The following ZNF384 variants were observed in gnomAD, a reference collection of about 807,000 sequenced individuals.
ZNF384 encodes the protein zinc finger protein 384, also known as CAG repeat protein 1.
ZNF384 carries 20 observed loss-of-function variants against 65.0 expected under a neutral mutation model. That is an observed-to-expected ratio of 0.31 (90% CI 0.22 to 0.45). The LOEUF is 0.45. ZNF384 is among the 20% of genes least tolerant of loss of function. The probability of loss-of-function intolerance (pLI) is 1.00; values close to 1 mark genes in which losing one functional copy is unlikely to be tolerated. For missense variants in ZNF384, 549 were observed against 769.4 expected (o/e 0.71, Z 3.39); for synonymous variants, 310 against 303.9 (o/e 1.02, Z -0.21).
At chr12:6,671,221 T>G (rs1437694346) in intron 9 of ZNF384, among the ~76,000 whole-genome samples, 1 of 152,122 alleles carries the variant, frequency 6.6e-6, no homozygotes, top group East Asian at 1.9e-4. Flanking sequence ...GGCCCCACCT[T>G]ATGGCCAGAA....
At position 6,677,244 on chromosome 12, in the gene ZNF384, G is replaced by A. The variant is rs1448470596; in HGVS notation, c.702C>T (p.Cys234=). The A allele has an allele frequency of 1.6e-5, 21 of 1,311,984 alleles. No individual in the cohort carries two copies. The highest frequency in any genetic ancestry group is 5.0e-5 in the South Asian group (4 of 80,772). 81.3% of individuals were successfully genotyped at this position (1,311,984 alleles called of 1,614,324 possible). ...DGKTYRSEGN[C]GTGNGQSLGL... is the part of the protein sequence containing the mutation. ...CAAGGCTCTGTCCATTTCCTGTGCC[G>A]CAGTTCCCTTCGCTCCTAAAATGGG... The change falls in exon 7 of 12, where the codon TGC becomes TGT. Residue 234 remains cysteine, a synonymous_variant. Coordinates refer to ENST00000683879, the MANE Select transcript of ZNF384 (RefSeq NM_001385745.1).
Position 6,673,433 on chromosome 12 carries a change from T to A in ZNF384, c.787A>T (p.Met263Leu). The A allele has an allele frequency of 6.2e-7, 1 of 1,613,818 alleles. No homozygotes were observed. Among genetic ancestry groups the A allele is most frequent in the Non-Finnish European group, 8.5e-7 (1 of 1,179,936 alleles). The change falls in exon 8 of 12, where the codon ATG (methionine) becomes TTG (leucine). Residue 263 changes from methionine (M) to leucine (L), a missense_variant. Physicochemically the swap from Met to Leu is conservative, Grantham distance 15 (BLOSUM62 2). This residue lies in a region of ZNF384 where 277 missense variants were observed against 337.2 expected (regional missense o/e 0.82). Coordinates refer to ENST00000683879, the MANE Select transcript of ZNF384 (RefSeq NM_001385745.1). This position sits in a 1 kb window ranked among gnomAD's most constrained non-coding sequence, Gnocchi z 4.7. ...TNLLCDPGCR[M>L]CSLTFYSKSE... The stretch of plus-strand genomic sequence containing the variant: ...TTGGAGTAGAATGTCAGTGAGCACA[T>A]CCGGCACCTGAGCCAAGTGAGGGCA...
rs1201085098 is a variant in ZNF384 at position 6,668,713 on chromosome 12, G to GAA, written c.1425+316_1425+317dup. Among the ~76,000 whole-genome samples the GAA allele has an allele frequency of 1.2e-4, 9 of 73,402 alleles. No homozygotes were observed. In the East Asian group the frequency reaches 1.8e-3, roughly 15 times the overall value. 48.2% of individuals were successfully genotyped at this position (73,402 alleles called of 152,430 possible). On this transcript the variant is annotated intron_variant, in intron 11 of 11. Coordinates refer to ENST00000683879, the MANE Select transcript of ZNF384 (RefSeq NM_001385745.1). The stretch of plus-strand genomic sequence containing the variant: ...ACAGGGCGAGACTGTGTCTCAAAAA[G>GAA]AAAAAAAAAAAAAAAAGAAGAAGAA...
chr12:6,689,331 T>TGGCG lies in ZNF384; in HGVS notation c.-300_-299insCGCC, dbSNP rs1463750502. ...CAGGGCGGGGGCGCGAGGTAGTGGG[T>TGGCG]GGCCCCCCCTCCTTGCTGCCCTCCC... is the stretch of plus-strand genomic sequence containing the variant. On this transcript the variant is annotated 5_prime_UTR_variant, in exon 1 of 12. Transcript: ENST00000683879. 6.6e-6 allele frequency: 1 copy of TGGCG among 152,554 alleles called. No homozygotes were observed. The highest frequency in any genetic ancestry group is 2.4e-5 in the African/African-American group (1 of 41,356). The allele number at this position is 152,554 out of a possible 1,614,324, so 9.5% of individuals were successfully genotyped here. A position where few individuals can be genotyped will look rare whatever the true frequency, so the allele number is the denominator to read the frequency against.
At position 6,666,813 on chromosome 12, in the gene ZNF384, T is replaced by A. The variant is rs761924154; in HGVS notation, c.*901A>T. 6.2e-4 allele frequency: 105 copies of A among 168,718 alleles called. No homozygotes were observed. The highest frequency in any genetic ancestry group is 2.5e-3 in the Middle Eastern group (1 of 408). 10.5% of individuals were successfully genotyped at this position (168,718 alleles called of 1,614,324 possible). On this transcript the variant is annotated 3_prime_UTR_variant, in exon 12 of 12. Transcript: ENST00000683879. ...GCCGTGATGAGTGAGTATAATATAT[T>A]TATATATATATATTTATATATAAAT...
Position 6,678,670 on chromosome 12 carries a change from T to A in ZNF384, c.345A>T (p.Gln115His). 6.2e-7 allele frequency: 1 copy of A among 1,613,656 alleles called. No homozygotes were observed. Among genetic ancestry groups the A allele is most frequent in the Non-Finnish European group, 8.5e-7 (1 of 1,179,834 alleles). ...CSQRWRREGS[Q>H]SRGPGLVITS... is the part of the protein sequence containing the mutation. ...GGTAACAGTGAGATTTACCCCTTGA[T>A]TGACTCCCTTCTCTTCTCCACCTCT... Residue 115 changes from glutamine to histidine, a missense_variant, in exon 5 of 12, where the codon CAA becomes CAT. By Grantham distance (24) the Gln-to-His change is conservative. Coordinates refer to ENST00000683879, the MANE Select transcript of ZNF384 (RefSeq NM_001385745.1). The surrounding 1 kb of genome is among the most constrained non-coding windows in gnomAD (Gnocchi z 4.9).
At chr12:6,669,932 ACGCGCGCG>A (rs67939669) in intron 10 of ZNF384, among the ~76,000 whole-genome samples, 14 of 151,730 alleles carry the variant, frequency 9.2e-5, no homozygotes, top group Admixed American at 2.0e-4. Flanking sequence ...AAACACGCAC[ACGCGCGCG>A]CGCACACACA....
chr12:6,680,623 C>T (rs1298212790), intron 2 of ZNF384, among the ~76,000 whole-genome samples: 2 of 147,668 alleles, frequency 1.4e-5, no homozygotes, highest in Admixed American at 6.8e-5. Flanking sequence ...CTCTAGCCTG[C>T]GGAACAAGAG....
rs188766165 is a variant in ZNF384, at chr12:6,671,771, T to A, written c.1187+579A>T. 3 of 152,764 alleles carry A rather than the reference T, an allele frequency of 2.0e-5. No individual in the cohort carries two copies. In the East Asian group the frequency reaches 5.8e-4, roughly 29 times the overall value. 9.5% of individuals were successfully genotyped at this position (152,764 alleles called of 1,614,324 possible). A position where few individuals can be genotyped will look rare whatever the true frequency, so the allele number is the denominator to read the frequency against. On this transcript the variant is annotated intron_variant, in intron 9 of 11. Coordinates refer to ENST00000683879, the MANE Select transcript of ZNF384 (RefSeq NM_001385745.1). ...TCCTAGTCACTCCAGATTCACGGGA[T>A]AAACACTGGGCATCTTTATGAAGCA...
At chr12:6,669,270 G>GT (rs1271846367) in intron 10 of ZNF384, 81 bp from the exon 11 acceptor site, 2 of 1,420,726 alleles carry the variant, frequency 1.4e-6, no homozygotes, top group Non-Finnish European at 1.9e-6. Context: ...AAGCAAAAAG[G>GT]TAGGTGTCAG....
chr12:6,674,013 T>C (rs1018225992), intron 7 of ZNF384, among the ~76,000 whole-genome samples: 12 of 152,156 alleles, frequency 7.9e-5, no homozygotes, highest in African/African-American at 2.7e-4. Context: ...AAACCAGGTA[T>C]GTCTGCTCTC....
intron 2 of ZNF384, among the ~76,000 whole-genome samples, chr12:6,681,057 A>G (rs950446961): frequency 1.3e-5 from 2 of 151,962 alleles, no homozygotes; most frequent in Non-Finnish European, 2.9e-5. Context: ...TCTCTACTAA[A>G]AGTACAAGAA....
chr12:6,679,444 A>C lies in ZNF384; in HGVS notation c.66+11T>G, dbSNP rs1424498182. 1 of 1,613,502 alleles carries C rather than the reference A, an allele frequency of 6.2e-7. No individual in the cohort carries two copies. The highest frequency in any genetic ancestry group is 8.5e-7 in the Non-Finnish European group (1 of 1,179,418). Reference sequence around the variant, plus strand: ...GAGACTTGGAGAGAGCAAGAAAGCAACACCACTTACCTGACCTGAGACTGT... The same window carrying C: ...GAGACTTGGAGAGAGCAAGAAAGCACCACCACTTACCTGACCTGAGACTGT... On this transcript the variant is annotated intron_variant, in intron 3 of 11. Coordinates refer to ENST00000683879, the MANE Select transcript of ZNF384 (RefSeq NM_001385745.1).
intron 9 of ZNF384, among the ~76,000 whole-genome samples, 172 bp from the exon 10 acceptor site, chr12:6,671,010 T>C (rs537877639): frequency 3.1e-4 from 47 of 152,336 alleles, no homozygotes; most frequent in Non-Finnish European, 5.1e-4. Flanking sequence ...GATTTGCTTC[T>C]GGTCAATGCC....
intron 6 of ZNF384, 128 bp downstream of exon 6, chr12:6,677,999 G>C: frequency 1.2e-6 from 1 of 823,006 alleles, no homozygotes; most frequent in Non-Finnish European, 1.9e-6. Context: ...CACCTGACAT[G>C]CAAGTGGCTC....
At position 6,672,332 on chromosome 12, in the gene ZNF384, CCCG is replaced by C; in HGVS notation, c.1187+15_1187+17del. On this transcript the variant is annotated intron_variant, in intron 9 of 11. Coordinates refer to ENST00000683879, the MANE Select transcript of ZNF384 (RefSeq NM_001385745.1). The surrounding 1 kb of genome is among the most constrained non-coding windows in gnomAD (Gnocchi z 4.4). ...CATGCCAGCGGGGCGGGGTCAGTAG[CCCG>C]CCACTCTCCCTTACCGTGTGTGCTG... 1 of 1,608,406 alleles carries C rather than the reference CCCG, an allele frequency of 6.2e-7. No individual in the cohort carries two copies. The highest frequency in any genetic ancestry group is 1.1e-5 in the South Asian group (1 of 90,564).
At chr12:6,671,796 A>G (rs1005231440) in intron 9 of ZNF384, 3 of 153,080 alleles carry the variant, frequency 2.0e-5, no homozygotes, top group African/African-American at 7.2e-5. Flanking sequence ...TTTATGAAGC[A>G]TAAGCGTTTT....
At chr12:6,670,350 A>C (rs1951052367) in intron 10 of ZNF384, among the ~76,000 whole-genome samples, 1 of 151,696 alleles carries the variant, frequency 6.6e-6, no homozygotes, top group Admixed American at 6.6e-5. Flanking sequence ...ATCACTTGAG[A>C]CCGGGAGGCT....
At chr12:6,686,150 T>C (rs914203990) in intron 2 of ZNF384, among the ~76,000 whole-genome samples, 1 of 152,222 alleles carries the variant, frequency 6.6e-6, no homozygotes, top group African/African-American at 2.4e-5. Context: ...ATGATTTTCT[T>C]TCCCCAAGAA....
Sources: allele counts gnomAD v4.1 joint callset (sites outside exome capture counted in the v4.1 genomes callset), GRCh38; gene constraint gnomAD v4.1.1; regional missense constraint gnomAD v4.1.1; non-coding constraint Gnocchi (gnomAD v3.1); transcripts MANE v1.5; gene names NCBI Gene and HGNC (gene_info 2026-07-23, HGNC 2026-07-21).